ABHD18: variants seen among roughly 807,000 people sequenced by gnomAD.
ABHD18 encodes cardiolipin-specific deacylase, mitochondrial.
A neutral mutation model predicts 65.9 loss-of-function variants in ABHD18; 55 were observed. The ratio of observed to expected loss-of-function variants is 0.84; its 90% CI spans 0.67 to 1.05. The LOEUF (loss-of-function observed/expected upper bound fraction) is 1.05. ABHD18 is among the 50% of genes least tolerant of loss of function. The pLI is 0.00. For missense variants in ABHD18, 533 were observed against 558.5 expected (o/e 0.95, Z 0.46); for synonymous variants, 181 against 180.2 (o/e 1.00, Z -0.04).
At chr4:127,997,271 C>T (rs1185074984) in intron 4 of ABHD18, among the ~76,000 whole-genome samples, 2 of 152,186 alleles carry the variant, frequency 1.3e-5, no homozygotes, top group Non-Finnish European at 2.9e-5. Context: ...CCTGACTTCC[C>T]GTAACACACT....
intron 3 of ABHD18, among the ~76,000 whole-genome samples, chr4:127,989,468 G>A (rs1024847209): frequency 1.9e-4 from 29 of 151,978 alleles, no homozygotes; most frequent in African/African-American, 7.0e-4. Flanking sequence ...TCAGGTGATG[G>A]ATACCCCAAT....
intron 4 of ABHD18, among the ~76,000 whole-genome samples, chr4:127,990,674 A>G (rs1750763909): frequency 6.6e-6 from 1 of 152,168 alleles, no homozygotes; most frequent in Admixed American, 6.5e-5. Flanking sequence ...GGTAACTTAG[A>G]CTAGACAGAC....
At chr4:128,019,987 C>A in intron 8 of ABHD18, 93 bp from the exon 9 acceptor site, 1 of 770,266 alleles carries the variant, frequency 1.3e-6, no homozygotes, top group Non-Finnish European at 2.0e-6. Context: ...ATCTGACCAA[C>A]TATTTACTGC....
chr4:127,970,113 G>A lies in ABHD18; in HGVS notation c.-18+4507G>A, dbSNP rs1579098557. Among the ~76,000 whole-genome samples, 3 of 151,920 alleles carry A rather than the reference G, an allele frequency of 2.0e-5. No individual in the cohort carries two copies. In the East Asian group the frequency reaches 5.8e-4, roughly 29 times the overall value. ...GACCAGGCTGGTTTCAGATTCCTGA[G>A]CTCAAGCAATCCTCCCTCCTCAGCG... On this transcript the variant is annotated intron_variant, in intron 1 of 12. Coordinates refer to ENST00000645843, the MANE Select transcript of ABHD18 (RefSeq NM_001358451.3).
intron 1 of ABHD18, among the ~76,000 whole-genome samples, chr4:127,979,455 T>C (rs1748574292): frequency 6.6e-6 from 1 of 152,100 alleles, no homozygotes; most frequent in Admixed American, 6.6e-5. Flanking sequence ...CTCGGGAGGC[T>C]GAGGCAGGAG....
chr4:127,974,118 T>TTC (rs1747399962), intron 1 of ABHD18, among the ~76,000 whole-genome samples: 1 of 151,840 alleles, frequency 6.6e-6, no homozygotes, highest in Admixed American at 6.6e-5. Context: ...AAGGTCTTAG[T>TTC]TATTAAAAGC....
intron 1 of ABHD18, among the ~76,000 whole-genome samples, chr4:127,976,777 C>A (rs1748000281): frequency 6.6e-6 from 1 of 152,150 alleles, no homozygotes; most frequent in Non-Finnish European, 1.5e-5. Context: ...CGCTGTGGCT[C>A]ACGTCCGTAA....
chr4:127,967,315 A>G (rs1745807185), intron 1 of ABHD18, among the ~76,000 whole-genome samples: 1 of 152,076 alleles, frequency 6.6e-6, no homozygotes, highest in Non-Finnish European at 1.5e-5. Flanking sequence ...CTTGCCTAGG[A>G]TCATACTACT....
At chr4:128,031,884 A>G (rs1326443815) in intron 12 of ABHD18, among the ~76,000 whole-genome samples, 6 of 152,238 alleles carry the variant, frequency 3.9e-5, no homozygotes, top group African/African-American at 1.2e-4. Context: ...TCCAATACTC[A>G]TTGGCCCTCT....
At chr4:128,011,762 T>C in intron 7 of ABHD18, 62 bp downstream of exon 7, 1 of 1,336,478 alleles carries the variant, frequency 7.5e-7, no homozygotes. Context: ...GTATTAAAAT[T>C]TTGGTTGCCT....
chr4:128,003,090 C>T (rs994609140), intron 4 of ABHD18, among the ~76,000 whole-genome samples: 11 of 151,880 alleles, frequency 7.2e-5, no homozygotes, highest in East Asian at 1.9e-4. Flanking sequence ...TCAAATAAGC[C>T]GGGCACGGTG....
At chr4:127,982,458 T>G (rs1430700291) in intron 1 of ABHD18, among the ~76,000 whole-genome samples, 3 of 152,190 alleles carry the variant, frequency 2.0e-5, no homozygotes, top group Non-Finnish European at 2.9e-5. Flanking sequence ...GATTGAATCT[T>G]AGCTATGTTT....
intron 4 of ABHD18, chr4:128,001,831 G>A: frequency 5.2e-6 from 7 of 1,334,970 alleles, no homozygotes; most frequent in Non-Finnish European, 6.7e-6. Context: ...TAGATGTTGA[G>A]TTTTGTTTTG....
At chr4:128,002,899 T>A (rs1752924370) in intron 4 of ABHD18, among the ~76,000 whole-genome samples, 1 of 151,802 alleles carries the variant, frequency 6.6e-6, no homozygotes, top group South Asian at 2.1e-4. Flanking sequence ...CTGCCTCACC[T>A]CCCAAAGTGC....
intron 4 of ABHD18, among the ~76,000 whole-genome samples, chr4:128,001,508 G>A (rs1444068788): frequency 1.3e-5 from 2 of 152,126 alleles, no homozygotes; most frequent in Non-Finnish European, 2.9e-5. Flanking sequence ...TGAATAACTT[G>A]TTGATGTGCT....
chr4:128,007,257 T>A (rs1753748645), intron 4 of ABHD18, among the ~76,000 whole-genome samples: 1 of 149,204 alleles, frequency 6.7e-6, no homozygotes, highest in South Asian at 2.1e-4. Flanking sequence ...AGGTCAGGGC[T>A]GCAGTGAGCT....
chr4:127,976,663 T>C (rs192497339), intron 1 of ABHD18, among the ~76,000 whole-genome samples: 6 of 152,350 alleles, frequency 3.9e-5, no homozygotes, highest in Non-Finnish European at 8.8e-5. Flanking sequence ...ATTTTATGTT[T>C]ATATCATCTA....
chr4:127,982,800 T>G (rs1560834742), intron 1 of ABHD18, 139 bp from the exon 2 acceptor site: 6 of 540,026 alleles, frequency 1.1e-5, no homozygotes, highest in Non-Finnish European at 1.3e-5. Context: ...TTCCCCCAAA[T>G]CTTGTATTTT....
chr4:127,992,210 G>A (rs992365543), intron 4 of ABHD18, among the ~76,000 whole-genome samples: 1 of 152,206 alleles, frequency 6.6e-6, no homozygotes. Flanking sequence ...GGTGTCTCAC[G>A]CCTGTAATCC....
Sources: gnomAD v4.1 joint callset for allele counts (sites outside exome capture counted in the v4.1 genomes callset) on GRCh38, gnomAD v4.1.1 for gene constraint, MANE v1.5 for transcripts, NCBI Gene and HGNC (gene_info 2026-07-23, HGNC 2026-07-21) for gene names.